Variants in KCNAB1 observed in about 807,000 individuals in gnomAD.
KCNAB1 encodes the protein voltage-gated potassium channel subunit beta-1.
In KCNAB1, 35 loss-of-function variants were observed where a neutral mutation model predicts 64.6. The observed-to-expected ratio is 0.54, with a 90% CI of 0.41 to 0.72. The LOEUF is 0.72. Among genes scored for constraint, KCNAB1 ranks in the 30% least tolerant of loss-of-function variants. The pLI is 0.00. For missense variants in KCNAB1, 401 were observed against 512.9 expected, an observed-to-expected ratio of 0.78 and a Z score of 2.11; for synonymous variants, 177 against 183.8, an observed-to-expected ratio of 0.96 and a Z score of 0.30.
chr3:156,515,645 A>G (rs1717507868), intron 10 of KCNAB1, among the ~76,000 whole-genome samples: 2 of 152,338 alleles, frequency 1.3e-5, no homozygotes, highest in South Asian at 2.1e-4. Context: ...TGGGAAATTC[A>G]ACAACTATTA....
chr3:156,256,365 C>G (rs755060781), intron 1 of KCNAB1, among the ~76,000 whole-genome samples: 1 of 152,218 alleles, frequency 6.6e-6, no homozygotes, highest in Non-Finnish European at 1.5e-5. Flanking sequence ...GTTCAGCTAT[C>G]TCTTAGGAAA....
At chr3:156,269,058 A>C (rs1718883925) in intron 1 of KCNAB1, among the ~76,000 whole-genome samples, 1 of 152,070 alleles carries the variant, frequency 6.6e-6, no homozygotes, top group Non-Finnish European at 1.5e-5. Flanking sequence ...TAACGGCCTA[A>C]TTTTATTTTT....
rs1720154721 is a variant in KCNAB1 at position 156,287,366 on chromosome 3, A to C, written c.276-134250A>C. Among the ~76,000 whole-genome samples the C allele has an allele frequency of 2.0e-5, 3 of 151,508 alleles. No homozygotes were observed. The South Asian group carries it at 6.2e-4, about 32-fold the overall frequency. On this transcript the variant is annotated intron_variant, in intron 1 of 13. Transcript: ENST00000490337. ...CTCCGTATCAAAAAAAAAAAAAAAA[A>C]AACTACCCCAGGGCGTCCACAAAAC...
chr3:156,126,875 G>A (rs556531277), intron 1 of KCNAB1, among the ~76,000 whole-genome samples: 1 of 152,208 alleles, frequency 6.6e-6, no homozygotes, highest in Non-Finnish European at 1.5e-5. Context: ...GGCACATATA[G>A]TAGTAAATAT....
chr3:156,354,055 G>A (rs927119478), intron 1 of KCNAB1, among the ~76,000 whole-genome samples: 56 of 145,126 alleles, frequency 3.9e-4, no homozygotes, highest in Non-Finnish European at 7.5e-4. Context: ...ATATGTGTGT[G>A]TGTGTGTGTG....
At chr3:156,315,080 C>A (rs566086822) in intron 1 of KCNAB1, among the ~76,000 whole-genome samples, 1 of 152,116 alleles carries the variant, frequency 6.6e-6, no homozygotes, top group African/African-American at 2.4e-5. Context: ...AAGCAAGAGG[C>A]AGGAAACTGG....
chr3:156,145,229 G>A (rs1322929806), intron 1 of KCNAB1, among the ~76,000 whole-genome samples: 3 of 152,200 alleles, frequency 2.0e-5, no homozygotes, highest in African/African-American at 7.2e-5. Flanking sequence ...AGTTTGAGGG[G>A]AGAAAAGCAC....
intron 1 of KCNAB1, among the ~76,000 whole-genome samples, chr3:156,347,970 G>A (rs533586249): frequency 1.3e-5 from 2 of 152,076 alleles, no homozygotes; most frequent in African/African-American, 4.8e-5. Flanking sequence ...ATCTAACAAG[G>A]GTCAGGCATT....
chr3:156,413,816 C>T (rs1047174051), intron 1 of KCNAB1, among the ~76,000 whole-genome samples: 1 of 152,218 alleles, frequency 6.6e-6, no homozygotes, highest in African/African-American at 2.4e-5. Flanking sequence ...AATATGCAGA[C>T]ACCTTAGACA....
At chr3:156,153,636 A>G (rs1715545495) in intron 1 of KCNAB1, among the ~76,000 whole-genome samples, 2 of 152,240 alleles carry the variant, frequency 1.3e-5, no homozygotes, top group Admixed American at 1.3e-4. Flanking sequence ...GAAGTTGAAC[A>G]AAAACGCTGA....
intron 1 of KCNAB1, among the ~76,000 whole-genome samples, chr3:156,251,240 A>G (rs1481840949): frequency 2.0e-5 from 3 of 152,250 alleles, no homozygotes; most frequent in Non-Finnish European, 4.4e-5. Context: ...CTGTGGTAAA[A>G]TATGTTGTGA....
At chr3:156,385,910 C>T (rs1712549740) in intron 1 of KCNAB1, among the ~76,000 whole-genome samples, 1 of 152,108 alleles carries the variant, frequency 6.6e-6, no homozygotes, top group African/African-American at 2.4e-5. Context: ...AAGATTTAAT[C>T]ACCTCTTTAG....
intron 1 of KCNAB1, among the ~76,000 whole-genome samples, chr3:156,413,998 A>T (rs1714872624): frequency 6.6e-6 from 1 of 152,210 alleles, no homozygotes. Context: ...AAGGCAGACT[A>T]ATGCATTATG....
At chr3:156,187,055 T>C (rs994201182) in intron 1 of KCNAB1, among the ~76,000 whole-genome samples, 1 of 152,158 alleles carries the variant, frequency 6.6e-6, no homozygotes, top group African/African-American at 2.4e-5. Context: ...GTTCTCCCTA[T>C]GTTGCCCAGG....
intron 1 of KCNAB1, among the ~76,000 whole-genome samples, chr3:156,135,234 C>T (rs1161392320): frequency 4.6e-5 from 7 of 151,992 alleles, no homozygotes; most frequent in East Asian, 1.9e-4. Flanking sequence ...TGACCTCAAG[C>T]GATCCTCCCA....
At chr3:156,291,802 C>G in intron 1 of KCNAB1, 1 of 1,557,368 alleles carries the variant, frequency 6.4e-7, no homozygotes, top group East Asian at 2.3e-5. Flanking sequence ...GAAGGGGGAG[C>G]AAGGAGGGCT....
intron 1 of KCNAB1, among the ~76,000 whole-genome samples, chr3:156,366,219 C>G (rs1045285371): frequency 2.6e-5 from 4 of 152,166 alleles, no homozygotes; most frequent in African/African-American, 9.7e-5. Context: ...TTCACTCCTT[C>G]TCTCCGGTAG....
chr3:156,538,631 T>C (rs1335292014), downstream of KCNAB1: 2 of 152,280 alleles, frequency 1.3e-5, no homozygotes, highest in South Asian at 4.1e-4. Flanking sequence ...GATCTTTCAC[T>C]GTAAGGCTTA....
intron 1 of KCNAB1, among the ~76,000 whole-genome samples, chr3:156,296,924 C>T (rs1720822301): frequency 6.6e-6 from 1 of 152,138 alleles, no homozygotes; most frequent in South Asian, 2.1e-4. Context: ...AACTATATAG[C>T]ATGATAGCAA....
Sources: allele counts gnomAD v4.1 joint callset (sites outside exome capture counted in the v4.1 genomes callset), GRCh38; gene constraint gnomAD v4.1.1; transcripts MANE v1.5; gene names NCBI Gene and HGNC (gene_info 2026-07-23, HGNC 2026-07-21).